Variants in TSPAN18 observed in about 807,000 individuals in gnomAD.
TSPAN18 encodes tetraspanin-18.
A neutral mutation model predicts 27.3 loss-of-function variants in TSPAN18; 14 were observed. The observed-to-expected ratio is 0.51, with a 90% CI of 0.34 to 0.80. TSPAN18 has a LOEUF of 0.80. Among genes scored for constraint, TSPAN18 ranks in the 30% least tolerant of loss-of-function variants. TSPAN18 has a pLI of 0.01. For missense variants in TSPAN18, 268 were observed against 323.9 expected, an observed-to-expected ratio of 0.83 and a Z score of 1.32; for synonymous variants, 143 against 136.5, an observed-to-expected ratio of 1.05 and a Z score of -0.33.
chr11:44,741,464 T>A (rs890249226), intron 1 of TSPAN18, among the ~76,000 whole-genome samples: 7 of 151,996 alleles, frequency 4.6e-5, no homozygotes, highest in Non-Finnish European at 7.4e-5. Context: ...TGTGTGTGTG[T>A]GTGTGTGTGT....
intron 2 of TSPAN18, among the ~76,000 whole-genome samples, chr11:44,814,570 G>C (rs1034762695): frequency 6.6e-6 from 1 of 152,190 alleles, no homozygotes; most frequent in East Asian, 1.9e-4. Context: ...TCTGTGCCAT[G>C]CTATGCACCA....
chr11:44,865,445 A>G (rs528793754), intron 3 of TSPAN18, among the ~76,000 whole-genome samples: 28 of 152,332 alleles, frequency 1.8e-4, no homozygotes, highest in African/African-American at 6.7e-4. Context: ...TATTTGTTGC[A>G]TCTTCTTGCT....
At chr11:44,747,679 G>A (rs911703551) in intron 1 of TSPAN18, among the ~76,000 whole-genome samples, 1 of 151,980 alleles carries the variant, frequency 6.6e-6, no homozygotes, top group Non-Finnish European at 1.5e-5. Flanking sequence ...TGGCCCAAAT[G>A]TTTCTCCTCC....
At chr11:44,828,724 C>T (rs1162228332) in intron 2 of TSPAN18, among the ~76,000 whole-genome samples, 1 of 152,178 alleles carries the variant, frequency 6.6e-6, no homozygotes, top group Non-Finnish European at 1.5e-5. Flanking sequence ...TTCTGTAGCC[C>T]AGCTGCAGTG....
At position 44,801,740 on chromosome 11, in the gene TSPAN18, T is replaced by C. The variant is rs190354112; in HGVS notation, c.-153+37228T>C. Among the ~76,000 whole-genome samples, 210 of 152,310 alleles carry C rather than the reference T, an allele frequency of 1.4e-3. 1 individual carries two copies. Among genetic ancestry groups the C allele is most frequent in the Middle Eastern group, 0.01 (3 of 294 alleles). Reference sequence around the variant, plus strand: ...TTCACCTGTAGAATGGTGGCAATAATAGTTCTAGCTGCCGGCTTTAGTGGC... The same window carrying C: ...TTCACCTGTAGAATGGTGGCAATAACAGTTCTAGCTGCCGGCTTTAGTGGC... On this transcript the variant is annotated intron_variant, in intron 2 of 9. Transcript: ENST00000520358.
At chr11:44,883,542 T>TAGTA (rs1833989133) in intron 3 of TSPAN18, among the ~76,000 whole-genome samples, 1 of 152,160 alleles carries the variant, frequency 6.6e-6, no homozygotes, top group African/African-American at 2.4e-5. Flanking sequence ...GCCACACAGG[T>TAGTA]AGTAAGTGGC....
intron 2 of TSPAN18, among the ~76,000 whole-genome samples, chr11:44,828,891 C>T (rs1857099136): frequency 6.6e-6 from 1 of 152,176 alleles, no homozygotes; most frequent in Non-Finnish European, 1.5e-5. Flanking sequence ...CCTCTTCTCT[C>T]CATCACGACC....
intron 2 of TSPAN18, among the ~76,000 whole-genome samples, chr11:44,781,047 A>G (rs1047954152): frequency 1.3e-5 from 2 of 152,202 alleles, no homozygotes; most frequent in Admixed American, 6.5e-5. Flanking sequence ...CACAAACATT[A>G]AGGACATCTG....
chr11:44,914,612 G>A (rs1859837647), intron 5 of TSPAN18, among the ~76,000 whole-genome samples: 1 of 152,178 alleles, frequency 6.6e-6, no homozygotes, highest in Admixed American at 6.5e-5. Context: ...AGGGTAACAT[G>A]GTGATGAGAG....
chr11:44,923,230 G>A (rs1057329324), intron 8 of TSPAN18, among the ~76,000 whole-genome samples: 1 of 152,200 alleles, frequency 6.6e-6, no homozygotes, highest in African/African-American at 2.4e-5. Flanking sequence ...AGCATTGCGT[G>A]TGGGTGACCC....
intron 8 of TSPAN18, chr11:44,926,407 T>G (rs7119193): frequency 2.3e-6 from 1 of 428,508 alleles, no homozygotes; most frequent in Admixed American, 4.0e-5. Context: ...TCACTGTAGT[T>G]GCAACATTAG....
chr11:44,848,365 GC>G (rs1857527609), intron 2 of TSPAN18, among the ~76,000 whole-genome samples: 2 of 152,198 alleles, frequency 1.3e-5, no homozygotes, highest in Admixed American at 1.3e-4. Flanking sequence ...GGCTGGCTCT[GC>G]TGGCTCCACT....
chr11:44,814,689 C>CCATCCACCCATCCAT (rs55970649), intron 2 of TSPAN18, among the ~76,000 whole-genome samples: 2 of 144,372 alleles, frequency 1.4e-5, no homozygotes, highest in Non-Finnish European at 3.0e-5. Context: ...CATCCATCCA[C>CCATCCACCCATCCAT]CCACCCACCC....
At chr11:44,784,780 C>A (rs1375465835) in intron 2 of TSPAN18, among the ~76,000 whole-genome samples, 1 of 152,196 alleles carries the variant, frequency 6.6e-6, no homozygotes, top group African/African-American at 2.4e-5. Context: ...CAAGTACATT[C>A]TCTCCATTTT....
intron 2 of TSPAN18, among the ~76,000 whole-genome samples, chr11:44,828,036 C>T (rs1287321097): frequency 6.6e-6 from 1 of 152,210 alleles, no homozygotes; most frequent in Non-Finnish European, 1.5e-5. Context: ...AGACTTCTCT[C>T]TTCCTGGGAG....
At chr11:44,766,331 C>T (rs936134831) in intron 2 of TSPAN18, among the ~76,000 whole-genome samples, 1 of 152,294 alleles carries the variant, frequency 6.6e-6, no homozygotes, top group African/African-American at 2.4e-5. Flanking sequence ...TCACTGACAG[C>T]GTCTGTGTCC....
chr11:44,888,213 G>C (rs1029897594), intron 3 of TSPAN18, among the ~76,000 whole-genome samples: 1 of 152,164 alleles, frequency 6.6e-6, no homozygotes, highest in Non-Finnish European at 1.5e-5. Context: ...AGGTGCCCGG[G>C]ACTTTAGCAG....
Position 44,741,447 on chromosome 11 carries a change from A to ATGTG in TSPAN18, c.-240+14186_-240+14189dup, listed in dbSNP as rs58865710. Among the ~76,000 whole-genome samples the ATGTG allele has an allele frequency of 3.0e-3, 441 of 147,474 alleles. 1 individual carries two copies. Among genetic ancestry groups the ATGTG allele is most frequent in the African/African-American group, 8.7e-3 (352 of 40,334 alleles). On this transcript the variant is annotated intron_variant, in intron 1 of 9. Transcript: ENST00000520358. Reference sequence around the variant, plus strand: ...CTATTCAAACCTGTCTCAGACATGTATGTGTGTGTGTGTGTGTGTGTGTGT... The same window carrying ATGTG: ...CTATTCAAACCTGTCTCAGACATGTATGTGTGTGTGTGTGTGTGTGTGTGTGTGT...
chr11:44,872,633 C>G (rs540825197), intron 3 of TSPAN18, among the ~76,000 whole-genome samples: 1 of 152,292 alleles, frequency 6.6e-6, no homozygotes, highest in Admixed American at 6.5e-5. Flanking sequence ...ATTGTGCTTA[C>G]TATATGCCAG....
Sources: allele counts gnomAD v4.1 joint callset (sites outside exome capture counted in the v4.1 genomes callset), GRCh38; gene constraint gnomAD v4.1.1; transcripts MANE v1.5; gene names NCBI Gene and HGNC (gene_info 2026-07-23, HGNC 2026-07-21).